TJP1: variants seen among roughly 807,000 people sequenced by gnomAD.
TJP1 encodes tight junction protein ZO-1.
In TJP1, 43 loss-of-function variants were observed where a neutral mutation model predicts 194.2. The observed-to-expected ratio is 0.22, with a 90% CI of 0.17 to 0.29. The LOEUF is 0.29. Ranked by LOEUF, TJP1 falls within the 10% of genes least tolerant of loss-of-function variation. TJP1 has a pLI of 1.00. For missense variants in TJP1, 1,971 were observed against 2,185.7 expected (o/e 0.90, Z 1.96); for synonymous variants, 801 against 779.0 (o/e 1.03, Z -0.47).
chr15:29,815,703 G>A (rs931763472), intron 1 of TJP1, among the ~76,000 whole-genome samples: 1 of 152,192 alleles, frequency 6.6e-6, no homozygotes, highest in Non-Finnish European at 1.5e-5. Flanking sequence ...ACAGGATTAC[G>A]TCTTCAAATT....
Position 29,710,917 on chromosome 15 carries a change from G to A in TJP1, c.4286C>T (p.Pro1429Leu), listed in dbSNP as rs372981349. The stretch of plus-strand genomic sequence containing the variant: ...CTGGGCATACTGCGAGGGCAATGGA[G>A]GAGGAGGGGGAGTGGCCTGGATGGG... ...YEPIQATPPP[P>L]PLPSQYAQPS... The change falls in exon 24 of 28, where the codon CCT becomes CTT. Residue 1429 changes from proline (P) to leucine (L), a missense_variant. Around this residue, in one of 5 missense-constraint regions of TJP1, gnomAD observed 1,108 missense variants for 1,128.5 expected, o/e 0.98. Transcript: ENST00000614355. 23 of 1,614,174 alleles carry A rather than the reference G, an allele frequency of 1.4e-5. No individual in the cohort carries two copies. In the African/African-American group the frequency reaches 2.7e-4, roughly 19 times the overall value.
At position 29,700,213 on chromosome 15, in the gene TJP1, G is replaced by T. The variant is rs1461814392; in HGVS notation, c.*1382C>A. 1 of 398,802 alleles carries T rather than the reference G, an allele frequency of 2.5e-6. No homozygotes were observed. Among genetic ancestry groups the T allele is most frequent in the African/African-American group, 2.1e-5 (1 of 48,614 alleles). The allele number at this position is 398,802 out of a possible 1,614,324, so 24.7% of individuals were successfully genotyped here. ...TTTGAGATTTTTAATAACGGCAAAAGAAATTCAGTCACACCTAATGATTAA... is the reference window on the plus strand; with the variant it reads ...TTTGAGATTTTTAATAACGGCAAAATAAATTCAGTCACACCTAATGATTAA... On this transcript the variant is annotated 3_prime_UTR_variant, in exon 28 of 28. Transcript: ENST00000614355.
At chr15:29,820,398 C>T (rs990465792) in intron 1 of TJP1, 5 of 631,926 alleles carry the variant, frequency 7.9e-6, no homozygotes, top group Admixed American at 2.6e-5. Context: ...AAAAAGCTTT[C>T]AACTTGCCCT....
chr15:29,876,216 G>C (rs2052692794), intron 2 of TJP1, among the ~76,000 whole-genome samples: 1 of 152,086 alleles, frequency 6.6e-6, no homozygotes, highest in South Asian at 2.1e-4. Context: ...TCGTAAACTT[G>C]CTTAAAACAT....
chr15:29,946,750 T>C (rs371886053), intron 2 of TJP1, among the ~76,000 whole-genome samples: 161 of 152,332 alleles, frequency 1.1e-3, no homozygotes, highest in African/African-American at 3.7e-3. Context: ...CAAATATTTA[T>C]ACTGAGCTGC....
At chr15:29,730,436 A>AATT (rs1485007175) in intron 15 of TJP1, among the ~76,000 whole-genome samples, 1 of 151,692 alleles carries the variant, frequency 6.6e-6, no homozygotes, top group Non-Finnish European at 1.5e-5. Context: ...TAATAATAAT[A>AATT]ATAATAATAA....
intron 2 of TJP1, among the ~76,000 whole-genome samples, chr15:29,922,205 C>T (rs1178632361): frequency 6.6e-6 from 1 of 152,098 alleles, no homozygotes; most frequent in African/African-American, 2.4e-5. Context: ...TTCAGTGTGC[C>T]TCTCTTAAAC....
chr15:29,955,615 G>C (rs1022935010), intron 2 of TJP1, among the ~76,000 whole-genome samples: 2 of 151,784 alleles, frequency 1.3e-5, no homozygotes, highest in Non-Finnish European at 2.9e-5. Flanking sequence ...GCCAGGCATA[G>C]TGGCACACGC....
chr15:29,890,474 G>A (rs1349344080), intron 2 of TJP1, among the ~76,000 whole-genome samples: 1 of 152,146 alleles, frequency 6.6e-6, no homozygotes, highest in African/African-American at 2.4e-5. Context: ...ATATGTTTCT[G>A]TGCAGCCATT....
chr15:29,921,190 C>A (rs2054345753), intron 2 of TJP1, among the ~76,000 whole-genome samples: 1 of 152,164 alleles, frequency 6.6e-6, no homozygotes, highest in Non-Finnish European at 1.5e-5. Flanking sequence ...AACAACCCAG[C>A]CTCAAGCTTC....
intron 2 of TJP1, among the ~76,000 whole-genome samples, chr15:29,782,656 TGCCAAAAGCAACTGC>T (rs1194338507): frequency 6.6e-6 from 1 of 151,914 alleles, no homozygotes; most frequent in Non-Finnish European, 1.5e-5. Context: ...ATGACAAAGA[TGCCAAAAGCAACTGC>T]AACAAAAGCA....
chr15:29,835,311 T>G (rs2050990229), intron 2 of TJP1, among the ~76,000 whole-genome samples: 1 of 152,186 alleles, frequency 6.6e-6, no homozygotes, highest in South Asian at 2.1e-4. Flanking sequence ...GAGTGCATAT[T>G]ATATGAAAAT....
At chr15:29,968,388 C>A (rs2056404111) in intron 1 of TJP1, 1 of 985,200 alleles carries the variant, frequency 1.0e-6, no homozygotes, top group South Asian at 4.7e-5. Context: ...GTGCGGGTGC[C>A]AGGCGTCCCG....
chr15:29,785,054 T>C (rs2047615148), intron 2 of TJP1, among the ~76,000 whole-genome samples: 1 of 152,188 alleles, frequency 6.6e-6, no homozygotes, highest in African/African-American at 2.4e-5. Flanking sequence ...GTGCCATTTT[T>C]TTCTCATCTA....
chr15:29,914,686 G>C (rs929957540), intron 2 of TJP1, among the ~76,000 whole-genome samples: 2 of 152,000 alleles, frequency 1.3e-5, no homozygotes, highest in Non-Finnish European at 2.9e-5. Context: ...CAGACCTCCG[G>C]GGAGAGTATC....
intron 2 of TJP1, among the ~76,000 whole-genome samples, chr15:29,863,043 C>T (rs996247905): frequency 1.3e-5 from 2 of 151,344 alleles, no homozygotes; most frequent in African/African-American, 2.4e-5. Flanking sequence ...GCCTATAATC[C>T]GAGCACTTTG....
In TJP1 at chr15:29,732,681, T is replaced by C. The variant is rs2043743918; in HGVS notation, c.1871A>G (p.Gln624Arg). Reference protein sequence around the residue: ...LRKSREDLSAQPVQTKFPAYE... With the variant: ...LRKSREDLSARPVQTKFPAYE... ...AGCTGGAAACTTTGTTTGAACAGGC[T>C]GAGCGGACAAATCCTCTCTGCTTTT... is the stretch of plus-strand genomic sequence containing the variant. Residue 624 changes from glutamine to arginine, a missense_variant, in exon 14 of 28, where the codon CAG becomes CGG. Coordinates refer to ENST00000614355, the MANE Select transcript of TJP1 (RefSeq NM_001330239.4). 6.2e-7 allele frequency: 1 copy of C among 1,614,202 alleles called. No homozygotes were observed. Among genetic ancestry groups the C allele is most frequent in the South Asian group, 1.1e-5 (1 of 91,078 alleles).
At chr15:29,950,155 CACCACCACCACAACCACT>C (rs2055667283) in intron 2 of TJP1, among the ~76,000 whole-genome samples, 1 of 118,004 alleles carries the variant, frequency 8.5e-6, no homozygotes, top group Non-Finnish European at 1.7e-5. Context: ...CCACCACCTC[CACCACCACCACAACCACT>C]ACCTCCACCT....
intron 2 of TJP1, among the ~76,000 whole-genome samples, chr15:29,778,461 C>G (rs1316226729): frequency 6.6e-6 from 1 of 151,772 alleles, no homozygotes; most frequent in African/African-American, 2.4e-5. Context: ...TCCCCACTTT[C>G]CCTTCCCTCT....
Sources: allele counts gnomAD v4.1 joint callset (sites outside exome capture counted in the v4.1 genomes callset), GRCh38; gene constraint gnomAD v4.1.1; regional missense constraint gnomAD v4.1.1; transcripts MANE v1.5; gene names NCBI Gene and HGNC (gene_info 2026-07-23, HGNC 2026-07-21).